The following LRGUK variants were observed in gnomAD, a reference collection of about 807,000 sequenced individuals.
LRGUK encodes leucine rich repeats and guanylate kinase domain containing.
Under a neutral mutation model 76.0 loss-of-function variants are expected in LRGUK, and 65 were observed. That is an observed-to-expected ratio of 0.85 (90% CI 0.70 to 1.05). The LOEUF is 1.05. LRGUK is among the 50% of genes least tolerant of loss of function. LRGUK has a pLI of 0.00. For synonymous variants in LRGUK, 268 were observed against 265.6 expected, an observed-to-expected ratio of 1.01 and a Z score of -0.09; for missense variants, 758 against 732.8, an observed-to-expected ratio of 1.03 and a Z score of -0.40.
At chr7:134,147,966 G>A (rs1263988398) in intron 4 of LRGUK, among the ~76,000 whole-genome samples, 1 of 151,400 alleles carries the variant, frequency 6.6e-6, no homozygotes, top group African/African-American at 2.4e-5. Flanking sequence ...GGAGGCTGAG[G>A]CAGGAGAATC....
At chr7:134,238,155 T>C (rs752004978) in intron 16 of LRGUK, among the ~76,000 whole-genome samples, 9 of 152,352 alleles carry the variant, frequency 5.9e-5, no homozygotes, top group East Asian at 3.9e-4. Flanking sequence ...TTAATACTCA[T>C]CATTAGACCA....
chr7:134,230,965 G>C (rs1801874151), intron 16 of LRGUK, among the ~76,000 whole-genome samples: 1 of 152,144 alleles, frequency 6.6e-6, no homozygotes, highest in South Asian at 2.1e-4. Context: ...AGGCCACCTG[G>C]TGAACTGGAA....
At chr7:134,221,741 T>C in intron 15 of LRGUK, 38 bp from the exon 16 acceptor site, 1 of 1,427,658 alleles carries the variant, frequency 7.0e-7, no homozygotes, top group East Asian at 2.6e-5. Context: ...ATTTCCTTTA[T>C]GACTTTTATT....
At chr7:134,130,351 A>G (rs1461878509) in intron 1 of LRGUK, among the ~76,000 whole-genome samples, 1 of 55,804 alleles carries the variant, frequency 1.8e-5, no homozygotes, top group Non-Finnish European at 4.9e-5. Context: ...TAATTAACAC[A>G]TAGCTCTTTG....
At chr7:134,176,316 C>T (rs1563162722) in intron 8 of LRGUK, among the ~76,000 whole-genome samples, 1 of 152,176 alleles carries the variant, frequency 6.6e-6, no homozygotes, top group African/African-American at 2.4e-5. Context: ...AGCAAACCAT[C>T]GTGGCACACC....
downstream of LRGUK, among the ~76,000 whole-genome samples, chr7:134,266,518 T>C (rs1355385907): frequency 1.3e-5 from 2 of 152,052 alleles, no homozygotes; most frequent in Non-Finnish European, 2.9e-5. Flanking sequence ...TAAAACTCAT[T>C]GGATGGGCAC....
At chr7:134,167,072 G>C (rs936653823) in intron 7 of LRGUK, among the ~76,000 whole-genome samples, 6 of 152,158 alleles carry the variant, frequency 3.9e-5, no homozygotes, top group African/African-American at 1.2e-4. Flanking sequence ...ATTGATGCTC[G>C]CGTGATCAGA....
intron 16 of LRGUK, among the ~76,000 whole-genome samples, chr7:134,235,529 T>A (rs972655247): frequency 1.3e-5 from 2 of 152,202 alleles, no homozygotes; most frequent in Non-Finnish European, 2.9e-5. Context: ...TAGCCCCTTT[T>A]CCCTGCTCTG....
chr7:134,142,108 G>A (rs923517122), intron 3 of LRGUK, among the ~76,000 whole-genome samples: 2 of 152,156 alleles, frequency 1.3e-5, no homozygotes, highest in Non-Finnish European at 2.9e-5. Flanking sequence ...GAAGCACTTC[G>A]CTTGGCTTCG....
intron 15 of LRGUK, among the ~76,000 whole-genome samples, chr7:134,220,579 CTT>C (rs202144898): frequency 6.9e-6 from 1 of 145,108 alleles, no homozygotes. Flanking sequence ...TCTTCTTCTT[CTT>C]TTTTTTTTTT....
chr7:134,219,983 T>A (rs1370454559), intron 15 of LRGUK, among the ~76,000 whole-genome samples: 1 of 152,198 alleles, frequency 6.6e-6, no homozygotes, highest in Admixed American at 6.5e-5. Flanking sequence ...CTTGATATTA[T>A]TTAACGTGTT....
intron 16 of LRGUK, 119 bp from the exon 17 acceptor site, chr7:134,247,437 C>T (rs1397696384): frequency 3.3e-6 from 2 of 607,696 alleles, no homozygotes; most frequent in African/African-American, 3.8e-5. Flanking sequence ...TATGCCTTTT[C>T]CCCCTTTTTC....
chr7:134,240,509 A>G (rs1251428412), intron 16 of LRGUK, among the ~76,000 whole-genome samples: 4 of 152,248 alleles, frequency 2.6e-5, no homozygotes, highest in African/African-American at 9.6e-5. Context: ...GAGAAAAAAG[A>G]GTAAAAAGAA....
chr7:134,182,815 AC>A (rs1478480808), intron 10 of LRGUK, among the ~76,000 whole-genome samples: 2 of 152,178 alleles, frequency 1.3e-5, no homozygotes, highest in African/African-American at 4.8e-5. Flanking sequence ...AGACTGGAGT[AC>A]AATGGCGCCA....
In LRGUK at chr7:134,186,964, C is replaced by T. The variant is rs184868054; in HGVS notation, c.1334+3111C>T. Among the ~76,000 whole-genome samples, 49 of 152,286 alleles carry T rather than the reference C, an allele frequency of 3.2e-4. 1 individual carries two copies. The highest frequency in any genetic ancestry group is 1.2e-3 in the African/African-American group (49 of 41,560). ...ACTACAAACTCATTCATCCACCTCC[C>T]TCAGAGTTTCAGAAGCACCATCCAA... On this transcript the variant is annotated intron_variant, in intron 11 of 15. Transcript: ENST00000645682.
At chr7:134,208,775 G>T (rs186955698) in exon 16 of LRGUK, 2 of 398,896 alleles carry the variant, frequency 5.0e-6, no homozygotes, top group African/African-American at 4.1e-5. Flanking sequence ...CAGGTGCTTG[G>T]CGAAACTGCA....
intron 5 of LRGUK, 52 bp downstream of exon 5, chr7:134,148,371 A>T: frequency 9.6e-7 from 1 of 1,039,222 alleles, no homozygotes; most frequent in Non-Finnish European, 1.4e-6. Context: ...ATAAAAATTA[A>T]AGACTACATA....
At chr7:134,218,648 A>T (rs1243106168) in intron 15 of LRGUK, among the ~76,000 whole-genome samples, 1 of 152,212 alleles carries the variant, frequency 6.6e-6, no homozygotes, top group African/African-American at 2.4e-5. Flanking sequence ...TCCTTTTTGC[A>T]GTAAATGGCC....
intron 18 of LRGUK, 152 bp from the exon 19 acceptor site, chr7:134,258,105 C>T: frequency 2.3e-6 from 2 of 863,048 alleles, no homozygotes; most frequent in Non-Finnish European, 3.6e-6. Context: ...CTTCTATAGA[C>T]ACTGTTGAAC....
Sources: allele counts gnomAD v4.1 joint callset (sites outside exome capture counted in the v4.1 genomes callset), GRCh38; gene constraint gnomAD v4.1.1; transcripts MANE v1.5; gene names NCBI Gene and HGNC (gene_info 2026-07-23, HGNC 2026-07-21).